Variants in XPR1 observed in about 807,000 individuals in gnomAD.
XPR1 encodes the protein solute carrier family 53 member 1.
XPR1 carries 28 observed loss-of-function variants against 87.5 expected under a neutral mutation model. That is an observed-to-expected ratio of 0.32 (90% CI 0.24 to 0.44). The LOEUF is 0.44. Among genes scored for constraint, XPR1 ranks in the 20% least tolerant of loss-of-function variants. XPR1 has a pLI of 1.00. For missense variants in XPR1, 559 were observed against 862.3 expected, an observed-to-expected ratio of 0.65 and a Z score of 4.41; for synonymous variants, 300 against 306.1, an observed-to-expected ratio of 0.98 and a Z score of 0.21.
At chr1:180,702,340 G>A (rs1657370265) in intron 2 of XPR1, among the ~76,000 whole-genome samples, 1 of 139,532 alleles carries the variant, frequency 7.2e-6, no homozygotes. Flanking sequence ...ATTTGCTGAG[G>A]AGAGCTTTAC....
intron 1 of XPR1, among the ~76,000 whole-genome samples, chr1:180,661,615 A>G (rs1328519629): frequency 6.6e-6 from 1 of 151,956 alleles, no homozygotes; most frequent in Non-Finnish European, 1.5e-5. Flanking sequence ...CACGCCTGTA[A>G]TCCCAGCACT....
chr1:180,667,994 G>A (rs1017357102), intron 1 of XPR1, among the ~76,000 whole-genome samples: 2 of 151,760 alleles, frequency 1.3e-5, no homozygotes, highest in South Asian at 2.1e-4. Flanking sequence ...CAGTCCATCC[G>A]GCTAAAGGTT....
chr1:180,679,065 C>T (rs994866321), intron 1 of XPR1, among the ~76,000 whole-genome samples: 6 of 152,020 alleles, frequency 3.9e-5, no homozygotes, highest in East Asian at 1.9e-4. Flanking sequence ...CATGGTGGTG[C>T]ACACCTGTAG....
chr1:180,714,166 T>C (rs978216544), intron 2 of XPR1, among the ~76,000 whole-genome samples: 1 of 152,200 alleles, frequency 6.6e-6, no homozygotes, highest in Non-Finnish European at 1.5e-5. Flanking sequence ...ATCCTTTACA[T>C]AGTGATAGAA....
At position 180,715,014 on chromosome 1, in the gene XPR1, A is replaced by G. The variant is rs191408790; in HGVS notation, c.121+32603A>G. ...TGTGGGCTAATTAAGAAAAATCTCA[A>G]ATTCTCTGCTCAATACCAAAAAATC... is the stretch of plus-strand genomic sequence containing the variant. On this transcript the variant is annotated intron_variant, in intron 2 of 14. Coordinates refer to ENST00000367590, the MANE Select transcript of XPR1 (RefSeq NM_004736.4). Among the ~76,000 whole-genome samples, 4 of 152,270 alleles carry G rather than the reference A, an allele frequency of 2.6e-5. No individual in the cohort carries two copies. In the East Asian group the frequency reaches 5.8e-4, roughly 22 times the overall value.
At chr1:180,656,643 TTATTATATATAATATATAATTTA>T (rs1395956673) in intron 1 of XPR1, among the ~76,000 whole-genome samples, 4 of 113,476 alleles carry the variant, frequency 3.5e-5, no homozygotes, top group African/African-American at 1.4e-4. Flanking sequence ...GTATAATATA[TTATTATATATAATATATAATTTA>T]TATTATATAT....
intron 2 of XPR1, among the ~76,000 whole-genome samples, chr1:180,743,185 CT>C (rs1360858137): frequency 6.8e-6 from 1 of 146,484 alleles, no homozygotes; most frequent in African/African-American, 2.5e-5. Context: ...TATTTTTTTG[CT>C]TTTCCATATG....
intron 11 of XPR1, among the ~76,000 whole-genome samples, chr1:180,856,956 G>GT (rs1350637614): frequency 2.0e-5 from 3 of 152,104 alleles, no homozygotes; most frequent in African/African-American, 7.2e-5. Context: ...GAAATGTGCC[G>GT]TAAGTATAAC....
intron 11 of XPR1, among the ~76,000 whole-genome samples, chr1:180,861,147 A>G (rs922870312): frequency 2.6e-5 from 4 of 152,136 alleles, no homozygotes; most frequent in African/African-American, 9.6e-5. Context: ...CTATTACTCT[A>G]TTCTCATGTC....
intron 2 of XPR1, among the ~76,000 whole-genome samples, chr1:180,769,374 T>G (rs982486387): frequency 2.0e-5 from 3 of 149,112 alleles, no homozygotes; most frequent in Non-Finnish European, 3.0e-5. Context: ...TTTTTTGTGT[T>G]TTTTTTTTTT....
At chr1:180,699,223 T>C (rs1311275622) in intron 2 of XPR1, among the ~76,000 whole-genome samples, 1 of 148,276 alleles carries the variant, frequency 6.7e-6, no homozygotes, top group African/African-American at 2.5e-5. Flanking sequence ...TTTTTTTTTT[T>C]TTTATTATAC....
chr1:180,657,919 C>T (rs2101913382), intron 1 of XPR1, among the ~76,000 whole-genome samples: 1 of 152,242 alleles, frequency 6.6e-6, no homozygotes, highest in East Asian at 1.9e-4. Flanking sequence ...AATCCATGAA[C>T]ATGGAATATC....
chr1:180,760,005 A>G (rs1031390486), intron 2 of XPR1, among the ~76,000 whole-genome samples: 4 of 152,244 alleles, frequency 2.6e-5, no homozygotes, highest in Admixed American at 1.3e-4. Flanking sequence ...AGAACCAAAG[A>G]CAAAAATCAC....
At chr1:180,832,195 T>C (rs1349614011) in intron 9 of XPR1, among the ~76,000 whole-genome samples, 3 of 152,250 alleles carry the variant, frequency 2.0e-5, no homozygotes, top group African/African-American at 7.2e-5. Context: ...AAATGTCTTC[T>C]TTTGAGAAAT....
chr1:180,690,313 C>T (rs981130813), intron 2 of XPR1, among the ~76,000 whole-genome samples: 1 of 152,038 alleles, frequency 6.6e-6, no homozygotes, highest in Non-Finnish European at 1.5e-5. Flanking sequence ...GAAAAAGTAG[C>T]TTTTACTGAA....
intron 1 of XPR1, among the ~76,000 whole-genome samples, chr1:180,638,402 T>C (rs1274102945): frequency 1.3e-5 from 2 of 152,202 alleles, no homozygotes; most frequent in African/African-American, 4.8e-5. Flanking sequence ...ACAGCTGGTT[T>C]GTGGGTTGCC....
intron 2 of XPR1, among the ~76,000 whole-genome samples, chr1:180,750,030 G>A (rs776611820): frequency 2.0e-5 from 3 of 152,082 alleles, no homozygotes; most frequent in Admixed American, 6.6e-5. Context: ...CTTGAATAAC[G>A]ATGTTTATTG....
Position 180,656,525 on chromosome 1 carries a change from A to ATATATTATATATAATATT in XPR1, c.69+24261_69+24278dup, listed in dbSNP as rs1655518022. On this transcript the variant is annotated intron_variant, in intron 1 of 14. Coordinates refer to ENST00000367590, the MANE Select transcript of XPR1 (RefSeq NM_004736.4). ...TATATAATATTTATATATAATATTT[A>ATATATTATATATAATATT]TATATTATATATAATATTTATATAT... Among the ~76,000 whole-genome samples the ATATATTATATATAATATT allele has an allele frequency of 2.3e-5, 2 of 87,824 alleles. 1 individual carries two copies. Among genetic ancestry groups the ATATATTATATATAATATT allele is most frequent in the African/African-American group, 1.0e-4 (2 of 19,642 alleles). The allele number at this position is 87,824 out of a possible 152,430, so 57.6% of individuals were successfully genotyped here.
At chr1:180,686,003 C>T (rs576511383) in intron 2 of XPR1, among the ~76,000 whole-genome samples, 8 of 151,980 alleles carry the variant, frequency 5.3e-5, no homozygotes, top group Non-Finnish European at 7.4e-5. Flanking sequence ...CTGCTCTGAT[C>T]TTAGTTATTT....
Sources: gnomAD v4.1 joint callset for allele counts (sites outside exome capture counted in the v4.1 genomes callset) on GRCh38, gnomAD v4.1.1 for gene constraint, MANE v1.5 for transcripts, NCBI Gene and HGNC (gene_info 2026-07-23, HGNC 2026-07-21) for gene names.